Variants in KCNQ5 observed in about 807,000 individuals in gnomAD.
KCNQ5 encodes the protein potassium voltage-gated channel subfamily Q member 5, also known as potassium voltage-gated channel subfamily KQT member 5.
Under a neutral mutation model 98.2 loss-of-function variants are expected in KCNQ5, and 30 were observed. The observed-to-expected ratio is 0.31, with a 90% CI of 0.23 to 0.41. The LOEUF is 0.41. KCNQ5 is among the 10% of genes least tolerant of loss of function. The pLI is 1.00. For synonymous variants in KCNQ5, 458 were observed against 449.4 expected (o/e 1.02, Z -0.24); for missense variants, 835 against 1,182.5 (o/e 0.71, Z 4.31).
At chr6:72,941,077 A>C (rs1204943893) in intron 1 of KCNQ5, among the ~76,000 whole-genome samples, 1 of 152,250 alleles carries the variant, frequency 6.6e-6, no homozygotes, top group Admixed American at 6.5e-5. Context: ...GATGGTCATC[A>C]GACCGAAATG....
At chr6:72,898,871 G>T (rs1581979961) in intron 1 of KCNQ5, among the ~76,000 whole-genome samples, 1 of 152,062 alleles carries the variant, frequency 6.6e-6, no homozygotes, top group East Asian at 1.9e-4. Flanking sequence ...TCACCATTCT[G>T]ACTGGTATGA....
chr6:72,935,245 A>G (rs540735180), intron 1 of KCNQ5, among the ~76,000 whole-genome samples: 52 of 151,538 alleles, frequency 3.4e-4, no homozygotes, highest in Non-Finnish European at 6.0e-4. Flanking sequence ...TAATTTTTGT[A>G]TTTTTAGTAG....
chr6:73,131,966 G>A (rs1482996628), intron 9 of KCNQ5, among the ~76,000 whole-genome samples: 1 of 152,188 alleles, frequency 6.6e-6, no homozygotes, highest in Non-Finnish European at 1.5e-5. Flanking sequence ...ATTGTTTCCA[G>A]AACTCCCTGA....
intron 1 of KCNQ5, among the ~76,000 whole-genome samples, chr6:72,880,310 CT>C (rs1223582096): frequency 6.6e-6 from 1 of 152,200 alleles, no homozygotes; most frequent in African/African-American, 2.4e-5. Context: ...CAAACGCCTG[CT>C]TTCTGGCTCA....
In KCNQ5 at chr6:72,949,644, C is replaced by T. The variant is rs114474172; in HGVS notation, c.399-54264C>T. ...TGTACTTCAAGCCAATATTTGATCA[C>T]ATTCAATTTTAACATTTTTGCTCGA... On this transcript the variant is annotated intron_variant, in intron 1 of 13. Transcript: ENST00000370398. Among the ~76,000 whole-genome samples, 629 of 152,300 alleles carry T rather than the reference C, an allele frequency of 4.1e-3. 5 individuals are homozygous for T. The highest frequency in any genetic ancestry group is 0.014 in the African/African-American group (593 of 41,572).
At chr6:72,934,358 T>A (rs775314220) in intron 1 of KCNQ5, among the ~76,000 whole-genome samples, 5 of 152,042 alleles carry the variant, frequency 3.3e-5, no homozygotes, top group Non-Finnish European at 5.9e-5. Context: ...ATGACGGTGG[T>A]GGTGGTAATG....
At position 72,639,131 on chromosome 6, in the gene KCNQ5, C is replaced by G. The variant is rs116901211; in HGVS notation, c.398+16544C>G. 9.2e-3 allele frequency among the ~76,000 whole-genome samples: 1,406 copies of G among 152,038 alleles called. 12 individuals are homozygous for G. The highest frequency in any genetic ancestry group is 0.021 in the East Asian group (107 of 5,184). On this transcript the variant is annotated intron_variant, in intron 1 of 13. Transcript: ENST00000370398. Reference sequence around the variant, plus strand: ...TAGAGTGATGGAGAAGAAATAAGGTCCTTGGAGAAGAGTGTATGGAAAAAG... The same window carrying G: ...TAGAGTGATGGAGAAGAAATAAGGTGCTTGGAGAAGAGTGTATGGAAAAAG...
chr6:72,820,784 A>T (rs1171559212), intron 1 of KCNQ5, among the ~76,000 whole-genome samples: 1 of 152,090 alleles, frequency 6.6e-6, no homozygotes, highest in African/African-American at 2.4e-5. Context: ...GCCTCTGATC[A>T]CCAGTAAAGC....
chr6:72,700,580 A>C (rs1026380432), intron 1 of KCNQ5, among the ~76,000 whole-genome samples: 47 of 152,204 alleles, frequency 3.1e-4, no homozygotes, highest in African/African-American at 1.1e-3. Flanking sequence ...AAACTAGTAA[A>C]ATAGTACAAT....
chr6:72,891,331 A>ATGGT (rs1472231770), intron 1 of KCNQ5, among the ~76,000 whole-genome samples: 6 of 152,182 alleles, frequency 3.9e-5, no homozygotes, highest in Non-Finnish European at 8.8e-5. Flanking sequence ...GTATGTGTAA[A>ATGGT]TGGTTGGATG....
chr6:73,184,272 C>T (rs1004414914), intron 11 of KCNQ5, among the ~76,000 whole-genome samples: 2 of 152,216 alleles, frequency 1.3e-5, no homozygotes, highest in African/African-American at 4.8e-5. Context: ...ATTATGTTTT[C>T]ATGATTTTCA....
intron 1 of KCNQ5, among the ~76,000 whole-genome samples, chr6:72,644,293 G>C (rs1765478578): frequency 6.6e-6 from 1 of 152,048 alleles, no homozygotes; most frequent in Non-Finnish European, 1.5e-5. Context: ...ATATATTGTT[G>C]ATTCATTAAC....
At chr6:72,998,309 A>T (rs972336064) in intron 1 of KCNQ5, among the ~76,000 whole-genome samples, 1 of 152,222 alleles carries the variant, frequency 6.6e-6, no homozygotes, top group South Asian at 2.1e-4. Flanking sequence ...AGCAATACTT[A>T]AAGTTTATGA....
chr6:73,071,855 A>T (rs541807267), intron 3 of KCNQ5, among the ~76,000 whole-genome samples: 24 of 152,306 alleles, frequency 1.6e-4, no homozygotes, highest in Non-Finnish European at 2.8e-4. Context: ...AAATATCCAA[A>T]CTATAGCATA....
chr6:73,075,225 C>CTTT (rs60204032), intron 3 of KCNQ5, among the ~76,000 whole-genome samples: 1 of 131,562 alleles, frequency 7.6e-6, no homozygotes, highest in East Asian at 2.1e-4. Flanking sequence ...TATAGTCTCA[C>CTTT]TTTTTTTTTT....
intron 1 of KCNQ5, among the ~76,000 whole-genome samples, chr6:72,739,147 A>G (rs1273178691): frequency 3.3e-5 from 5 of 152,074 alleles, no homozygotes; most frequent in Admixed American, 6.6e-5. Flanking sequence ...CCTTGTGTGG[A>G]GCCACCGGGT....
rs552751018 is a variant in KCNQ5 at position 73,074,270 on chromosome 6, A to G, written c.617-3052A>G. On this transcript the variant is annotated intron_variant, in intron 3 of 13. Coordinates refer to ENST00000370398, the MANE Select transcript of KCNQ5 (RefSeq NM_019842.4). ...ATAAAGACTACTCATAACTTGTAAA[A>G]TACTAGCCTAGGAAATAGTCTAGGT... Among the ~76,000 whole-genome samples the G allele has an allele frequency of 1.4e-4, 21 of 152,330 alleles. No homozygotes were observed. The South Asian group carries it at 4.2e-3, about 30-fold the overall frequency.
At chr6:72,970,245 C>A (rs921564948) in intron 1 of KCNQ5, among the ~76,000 whole-genome samples, 1 of 152,062 alleles carries the variant, frequency 6.6e-6, no homozygotes, top group Non-Finnish European at 1.5e-5. Context: ...GATGACAGAG[C>A]AAGACCCCAT....
intron 5 of KCNQ5, among the ~76,000 whole-genome samples, chr6:73,078,320 A>G (rs1773621075): frequency 6.6e-6 from 1 of 152,106 alleles, no homozygotes; most frequent in South Asian, 2.1e-4. Context: ...CAAAGAAATG[A>G]AAAAGAAGAC....
Sources: gnomAD v4.1 joint callset for allele counts (sites outside exome capture counted in the v4.1 genomes callset) on GRCh38, gnomAD v4.1.1 for gene constraint, MANE v1.5 for transcripts, NCBI Gene and HGNC (gene_info 2026-07-23, HGNC 2026-07-21) for gene names.